HRCT1: variants seen among roughly 807,000 people sequenced by gnomAD.
The protein encoded by HRCT1 is histidine-rich carboxyl terminus protein 1.
For missense variants in HRCT1, 185 were observed against 161.3 expected (o/e 1.15, Z -0.80); for synonymous variants, 76 against 69.0 (o/e 1.10, Z -0.50).
rs1833110969 is a variant in HRCT1 at position 35,906,893 on chromosome 9, CA to C, written c.*259del. On this transcript the variant is annotated 3_prime_UTR_variant, in exon 1 of 1. Coordinates refer to ENST00000354323, the MANE Select transcript of HRCT1 (RefSeq NM_001039792.2). ...GCAAGGGTGCTCTTTCGGGGCTGGA[CA>C]GCCCGTCTTGTGACAGTGACTCCCA... 1 of 530,064 alleles carries C rather than the reference CA, an allele frequency of 1.9e-6. No homozygotes were observed. The highest frequency in any genetic ancestry group is 3.3e-5 in the Admixed American group (1 of 30,218). The allele number at this position is 530,064 out of a possible 1,614,324, so 32.8% of individuals were successfully genotyped here. A position where few individuals can be genotyped will look rare whatever the true frequency, so the allele number is the denominator to read the frequency against.
chr9:35,906,515 T>C lies in HRCT1; in HGVS notation c.228T>C (p.Pro76=), dbSNP rs1833085357. 1 of 1,546,072 alleles carries C rather than the reference T, an allele frequency of 6.5e-7. No homozygotes were observed. The change falls in exon 1 of 1, where the codon CCT becomes CCC. Residue 76 remains proline (P), a synonymous_variant. Coordinates refer to ENST00000354323, the MANE Select transcript of HRCT1 (RefSeq NM_001039792.2). ...GAATCTTTCACCATCACCGTCATCCTGGCCACGTATCTCATGTGCCGAATG... is the reference window on the plus strand; with the variant it reads ...GAATCTTTCACCATCACCGTCATCCCGGCCACGTATCTCATGTGCCGAATG... ...HLGIFHHHRH[P]GHVSHVPNVG...
At position 35,907,062 on chromosome 9, in the gene HRCT1, T is replaced by C. The variant is rs1833112740; in HGVS notation, c.*427T>C. 1 of 233,438 alleles carries C rather than the reference T, an allele frequency of 4.3e-6. No homozygotes were observed. Among genetic ancestry groups the C allele is most frequent in the Non-Finnish European group, 9.2e-6 (1 of 109,262 alleles). 14.5% of individuals were successfully genotyped at this position (233,438 alleles called of 1,614,324 possible). A position where few individuals can be genotyped will look rare whatever the true frequency, so the allele number is the denominator to read the frequency against. ...AGAGGCCCTGAGAATGTCCTTTTGG[T>C]TTGGAGAAGGCAGTGTGAGGCTGCA... is the stretch of plus-strand genomic sequence containing the variant. On this transcript the variant is annotated 3_prime_UTR_variant, in exon 1 of 1. Transcript: ENST00000354323.
the HRCT1 span, chr9:35,906,585 CT>C: frequency 1.4e-5 from 22 of 1,529,420 alleles, no homozygotes; most frequent in South Asian, 8.2e-5. Flanking sequence ...CCCTCACCAC[CT>C]CCACCACCAC....
chr9:35,906,592 A>ACCACCACCACCACCG lies in HRCT1; in HGVS notation c.316_317insACCGCCACCACCACC (p.His105_Pro106insHisArgHisHisHis). 7.8e-7 allele frequency: 1 copy of ACCACCACCACCACCG among 1,278,044 alleles called. No homozygotes were observed. The highest frequency in any genetic ancestry group is 1.3e-5 in the South Asian group (1 of 75,794). 79.2% of individuals were successfully genotyped at this position (1,278,044 alleles called of 1,614,324 possible). On this transcript the variant is annotated inframe_insertion, in exon 1 of 1. Transcript: ENST00000354323. ...CGCCACACCCCTCACCACCTCCACC[A>ACCACCACCACCACCG]CCACCACCACCCCCACCGCCACCAT...
Position 35,906,358 on chromosome 9 carries a change from T to C in HRCT1, c.71T>C (p.Leu24Pro). ...ITGAAVAVLLLLLLLATCLFH... is the reference protein window; with the variant it reads ...ITGAAVAVLLPLLLLATCLFH... Reference sequence around the variant, plus strand: ...GGTGCTGCTGTGGCGGTCCTGCTGCTGCTGCTGCTGCTGGCCACCTGCCTT... The same window carrying C: ...GGTGCTGCTGTGGCGGTCCTGCTGCCGCTGCTGCTGCTGGCCACCTGCCTT... The change falls in exon 1 of 1, where the codon CTG becomes CCG. Residue 24 changes from leucine (L) to proline (P), a missense_variant. Leu to Pro is a moderately conservative substitution (Grantham distance 98, BLOSUM62 -3). Coordinates refer to ENST00000354323, the MANE Select transcript of HRCT1 (RefSeq NM_001039792.2). The C allele has an allele frequency of 3.1e-6, 5 of 1,610,952 alleles. No individual in the cohort carries two copies. Among genetic ancestry groups the C allele is most frequent in the Non-Finnish European group, 4.2e-6 (5 of 1,179,194 alleles).
Position 35,906,598 on chromosome 9 carries a change from A to ACCACCACCACCCCCACCACCC in HRCT1, c.316_317insACCACCCCCACCACCCCCACC (p.His105_Pro106insHisHisProHisHisProHis). ...ACCCCTCACCACCTCCACCACCACC[A>ACCACCACCACCCCCACCACCC]CCACCCCCACCGCCACCATCCCCGC... On this transcript the variant is annotated inframe_insertion, in exon 1 of 1. Transcript: ENST00000354323. 1 of 1,194,688 alleles carries ACCACCACCACCCCCACCACCC rather than the reference A, an allele frequency of 8.4e-7. No individual in the cohort carries two copies. The highest frequency in any genetic ancestry group is 1.4e-5 in the South Asian group (1 of 70,618). 74.0% of individuals were successfully genotyped at this position (1,194,688 alleles called of 1,614,324 possible). A position where few individuals can be genotyped will look rare whatever the true frequency, so the allele number is the denominator to read the frequency against.
Position 35,906,706 on chromosome 9 carries a change from C to T in HRCT1, c.*71C>T, listed in dbSNP as rs1833108645. 6.8e-7 allele frequency: 1 copy of T among 1,468,146 alleles called. No individual in the cohort carries two copies. The highest frequency in any genetic ancestry group is 9.1e-7 in the Non-Finnish European group (1 of 1,094,382). 90.9% of individuals were successfully genotyped at this position (1,468,146 alleles called of 1,614,324 possible). On this transcript the variant is annotated 3_prime_UTR_variant, in exon 1 of 1. Coordinates refer to ENST00000354323, the MANE Select transcript of HRCT1 (RefSeq NM_001039792.2). ...CCATCTGTTCCCAGGACAAGTGGAC[C>T]CCATGTTTCCATGTGGAAGGATGCA...
At position 35,906,630 on chromosome 9, in the gene HRCT1, C is replaced by T. The variant is rs761070190; in HGVS notation, c.343C>T (p.Arg115Cys). The change falls in exon 1 of 1, where the codon CGC becomes TGC. Residue 115 changes from arginine (R) to cysteine (C), a missense_variant. Arg to Cys is a radical substitution (Grantham distance 180, BLOSUM62 -3). Transcript: ENST00000354323. Reference protein sequence around the residue: ...HPHRHHPRHAR With the variant: ...HPHRHHPRHAC ...CCACCGCCACCATCCCCGCCACGCT[C>T]GCTGAGGCTGCTGTCGCCGGTGCCT... 7 of 1,557,448 alleles carry T rather than the reference C, an allele frequency of 4.5e-6. No homozygotes were observed. Among genetic ancestry groups the T allele is most frequent in the African/African-American group, 2.7e-5 (2 of 74,108 alleles).
rs750046144 is a variant in HRCT1, at chr9:35,906,547, TCCA to T, written c.275_277del (p.His92del). 2.9e-4 allele frequency: 431 copies of T among 1,481,484 alleles called. No homozygotes were observed. Among genetic ancestry groups the T allele is most frequent in the East Asian group, 6.6e-4 (28 of 42,274 alleles). 91.8% of individuals were successfully genotyped at this position (1,481,484 alleles called of 1,614,324 possible). A position where few individuals can be genotyped will look rare whatever the true frequency, so the allele number is the denominator to read the frequency against. ...GTATCTCATGTGCCGAATGTGGGCC[TCCA>T]CCACCACCACCACCCCCGCCACACC... On this transcript the variant is annotated inframe_deletion, in exon 1 of 1. Transcript: ENST00000354323.
rs773863746 is a variant in HRCT1, at chr9:35,906,990, A to C, written c.*355A>C. 1 of 344,702 alleles carries C rather than the reference A, an allele frequency of 2.9e-6. No homozygotes were observed. The highest frequency in any genetic ancestry group is 5.7e-6 in the Non-Finnish European group (1 of 176,436). 21.4% of individuals were successfully genotyped at this position (344,702 alleles called of 1,614,324 possible). A position where few individuals can be genotyped will look rare whatever the true frequency, so the allele number is the denominator to read the frequency against. On this transcript the variant is annotated 3_prime_UTR_variant, in exon 1 of 1. Coordinates refer to ENST00000354323, the MANE Select transcript of HRCT1 (RefSeq NM_001039792.2). ...AAGTGGATGTGAAGTGCCCGTCTTGACCTCCTCATCAGGCTGCTGCAGGCC... is the reference window on the plus strand; with the variant it reads ...AAGTGGATGTGAAGTGCCCGTCTTGCCCTCCTCATCAGGCTGCTGCAGGCC...
rs1049117276 is a variant in HRCT1, at chr9:35,906,992, C to T, written c.*357C>T. The T allele has an allele frequency of 2.9e-6, 1 of 350,358 alleles. No homozygotes were observed. Among genetic ancestry groups the T allele is most frequent in the South Asian group, 6.9e-5 (1 of 14,558 alleles). 21.7% of individuals were successfully genotyped at this position (350,358 alleles called of 1,614,324 possible). On this transcript the variant is annotated 3_prime_UTR_variant, in exon 1 of 1. Coordinates refer to ENST00000354323, the MANE Select transcript of HRCT1 (RefSeq NM_001039792.2). ...GTGGATGTGAAGTGCCCGTCTTGAC[C>T]TCCTCATCAGGCTGCTGCAGGCCTC...
rs939394390 is a variant in HRCT1, at chr9:35,906,967, G to A, written c.*332G>A. The A allele has an allele frequency of 4.8e-6, 2 of 416,542 alleles. No homozygotes were observed. The highest frequency in any genetic ancestry group is 9.1e-6 in the Non-Finnish European group (2 of 218,814). 25.8% of individuals were successfully genotyped at this position (416,542 alleles called of 1,614,324 possible). A position where few individuals can be genotyped will look rare whatever the true frequency, so the allele number is the denominator to read the frequency against. Reference sequence around the variant, plus strand: ...GTGTCTTGGCAGAGCCAGCACACAAGTGGATGTGAAGTGCCCGTCTTGACC... The same window carrying A: ...GTGTCTTGGCAGAGCCAGCACACAAATGGATGTGAAGTGCCCGTCTTGACC... On this transcript the variant is annotated 3_prime_UTR_variant, in exon 1 of 1. Transcript: ENST00000354323.
rs1170046372 is a variant in HRCT1 at position 35,906,484 on chromosome 9, A to T, written c.197A>T (p.His66Leu). Reference protein sequence around the residue: ...AQPWPFRRRGHLGIFHHHRHP... With the variant: ...AQPWPFRRRGLLGIFHHHRHP... The stretch of plus-strand genomic sequence containing the variant: ...CCTTGGCCCTTCCGGCGGCGGGGCC[A>T]CCTGGGAATCTTTCACCATCACCGT... Residue 66 changes from histidine to leucine, a missense_variant, in exon 1 of 1, where the codon CAC becomes CTC. Coordinates refer to ENST00000354323, the MANE Select transcript of HRCT1 (RefSeq NM_001039792.2). The T allele has an allele frequency of 2.5e-6, 4 of 1,597,642 alleles. No homozygotes were observed. Among genetic ancestry groups the T allele is most frequent in the Non-Finnish European group, 3.4e-6 (4 of 1,171,850 alleles).
rs1833109665 is a variant in HRCT1 at position 35,906,821 on chromosome 9, T to A, written c.*186T>A. On this transcript the variant is annotated 3_prime_UTR_variant, in exon 1 of 1. Transcript: ENST00000354323. ...CCCAGTGTACTATGGCAGCAGAGAATGGAGGAACACTGGGTCTGCAGTGCT... is the reference window on the plus strand; with the variant it reads ...CCCAGTGTACTATGGCAGCAGAGAAAGGAGGAACACTGGGTCTGCAGTGCT... The A allele has an allele frequency of 9.5e-6, 8 of 845,860 alleles. No individual in the cohort carries two copies. The highest frequency in any genetic ancestry group is 5.5e-5 in the South Asian group (3 of 54,128). 52.4% of individuals were successfully genotyped at this position (845,860 alleles called of 1,614,324 possible). A position where few individuals can be genotyped will look rare whatever the true frequency, so the allele number is the denominator to read the frequency against.
At chr9:35,906,573 A>AT in the HRCT1 span, 3 of 1,449,390 alleles carry the variant, frequency 2.1e-6, no homozygotes, top group Non-Finnish European at 2.7e-6. Flanking sequence ...CCCCCGCCAC[A>AT]CCCCTCACCA....
rs1554690915 is a variant in HRCT1 at position 35,906,595 on chromosome 9, A to ACCACCCCCGCCCCCCCCCTCACCACCT, written c.313_314insCCCGCCCCCCCCCTCACCACCTCCACC (p.His104_His105insProArgProProProHisHisLeuHis). On this transcript the variant is annotated inframe_insertion, in exon 1 of 1. Coordinates refer to ENST00000354323, the MANE Select transcript of HRCT1 (RefSeq NM_001039792.2). Reference sequence around the variant, plus strand: ...CACACCCCTCACCACCTCCACCACCACCACCACCCCCACCGCCACCATCCC... The same window carrying ACCACCCCCGCCCCCCCCCTCACCACCT: ...CACACCCCTCACCACCTCCACCACCACCACCCCCGCCCCCCCCCTCACCACCTCCACCACCCCCACCGCCACCATCCC... 1 of 1,197,548 alleles carries ACCACCCCCGCCCCCCCCCTCACCACCT rather than the reference A, an allele frequency of 8.4e-7. No homozygotes were observed. The allele number at this position is 1,197,548 out of a possible 1,614,324, so 74.2% of individuals were successfully genotyped here.
In HRCT1 at chr9:35,906,586, T is replaced by TCCACCACCACCACCA. The variant is rs79156963; in HGVS notation, c.302_316dup (p.His101_His105dup). 2,354 of 1,189,660 alleles carry TCCACCACCACCACCA rather than the reference T, an allele frequency of 2.0e-3. 71 individuals carry two copies. In the African/African-American group the frequency reaches 0.049, roughly 25 times the overall value. The allele number at this position is 1,189,660 out of a possible 1,614,324, so 73.7% of individuals were successfully genotyped here. A position where few individuals can be genotyped will look rare whatever the true frequency, so the allele number is the denominator to read the frequency against. ...CACCCCCGCCACACCCCTCACCACC[T>TCCACCACCACCACCA]CCACCACCACCACCACCCCCACCGC... is the stretch of plus-strand genomic sequence containing the variant. On this transcript the variant is annotated inframe_insertion, in exon 1 of 1. Transcript: ENST00000354323.
In HRCT1 at chr9:35,906,330, A is replaced by G. The variant is rs573234052; in HGVS notation, c.43A>G (p.Thr15Ala). Reference sequence around the variant, plus strand: ...GAGCACAGCCCTCGTGGGATGGATCACAGGTGCTGCTGTGGCGGTCCTGCT... The same window carrying G: ...GAGCACAGCCCTCGTGGGATGGATCGCAGGTGCTGCTGTGGCGGTCCTGCT... Reference protein sequence around the residue: ...LGSTALVGWITGAAVAVLLLL... With the variant: ...LGSTALVGWIAGAAVAVLLLL... Residue 15 changes from threonine (T) to alanine (A), a missense_variant, in exon 1 of 1, where the codon ACA becomes GCA. Physicochemically the swap from Thr to Ala is moderately conservative, Grantham distance 58. Coordinates refer to ENST00000354323, the MANE Select transcript of HRCT1 (RefSeq NM_001039792.2). 2.5e-6 allele frequency: 4 copies of G among 1,611,944 alleles called. No individual in the cohort carries two copies. The highest frequency in any genetic ancestry group is 3.4e-6 in the Non-Finnish European group (4 of 1,179,604).
In HRCT1 at chr9:35,906,990, ACCT is replaced by A. The variant is rs912814315; in HGVS notation, c.*360_*362del. The A allele has an allele frequency of 8.7e-6, 3 of 344,584 alleles. No individual in the cohort carries two copies. Among genetic ancestry groups the A allele is most frequent in the East Asian group, 9.3e-5 (2 of 21,546 alleles). The allele number at this position is 344,584 out of a possible 1,614,324, so 21.3% of individuals were successfully genotyped here. ...AAGTGGATGTGAAGTGCCCGTCTTG[ACCT>A]CCTCATCAGGCTGCTGCAGGCCTCT... On this transcript the variant is annotated 3_prime_UTR_variant, in exon 1 of 1. Coordinates refer to ENST00000354323, the MANE Select transcript of HRCT1 (RefSeq NM_001039792.2).
Sources: gnomAD v4.1 joint callset for allele counts on GRCh38, gnomAD v4.1.1 for gene constraint, MANE v1.5 for transcripts, NCBI Gene and HGNC (gene_info 2026-07-23, HGNC 2026-07-21) for gene names.